SKI: variants seen among roughly 807,000 people sequenced by gnomAD.
SKI encodes SKI proto-oncogene, also known as ski oncogene.
Under a neutral mutation model 59.3 loss-of-function variants are expected in SKI, and 23 were observed. The ratio of observed to expected loss-of-function variants is 0.39; its 90% CI spans 0.28 to 0.55. SKI has a LOEUF of 0.55. Ranked by LOEUF, SKI falls within the 20% of genes least tolerant of loss-of-function variation. SKI has a pLI of 0.67. For synonymous variants in SKI, 673 were observed against 488.6 expected (o/e 1.38, Z -4.98); for missense variants, 1,017 against 1,038.9 (o/e 0.98, Z 0.29).
intron 1 of SKI, among the ~76,000 whole-genome samples, chr1:2,284,446 T>C (rs895909885): frequency 2.0e-5 from 3 of 152,178 alleles, no homozygotes; most frequent in Non-Finnish European, 2.9e-5. Flanking sequence ...TAAAACCTAA[T>C]TGGGCAACGG....
At chr1:2,299,287 C>T (rs1353309056) in intron 1 of SKI, among the ~76,000 whole-genome samples, 2 of 152,132 alleles carry the variant, frequency 1.3e-5, no homozygotes, top group Non-Finnish European at 2.9e-5. Context: ...GGGGCAGCAG[C>T]TTGTGCCCAT....
In SKI at chr1:2,271,111, G is replaced by A. The variant is rs1413042052; in HGVS notation, c.970-31867G>A. ...ACCCCAGAACTTGGGGTTTCCTGATGGGTGTTGGGGTGCACACAAGCCTGG... is the reference window on the plus strand; with the variant it reads ...ACCCCAGAACTTGGGGTTTCCTGATAGGTGTTGGGGTGCACACAAGCCTGG... On this transcript the variant is annotated intron_variant, in intron 1 of 6. Transcript: ENST00000378536. 5.9e-5 allele frequency among the ~76,000 whole-genome samples: 9 copies of A among 152,168 alleles called. No homozygotes were observed. In the South Asian group the frequency reaches 6.2e-4, roughly 10 times the overall value.
rs1000927563 is a variant in SKI at position 2,229,772 on chromosome 1, G to C, written c.969+37G>C. 1 of 1,550,076 alleles carries C rather than the reference G, an allele frequency of 6.5e-7. No homozygotes were observed. Among genetic ancestry groups the C allele is most frequent in the Non-Finnish European group, 8.7e-7 (1 of 1,147,042 alleles). ...CAGGCCTGGGAGCTGGGGAGGATGC[G>C]CTTGGGGTGGGGGCCCCTTCTGGAC... On this transcript the variant is annotated intron_variant, in intron 1 of 6. Coordinates refer to ENST00000378536, the MANE Select transcript of SKI (RefSeq NM_003036.4). The surrounding 1 kb of genome is among the most constrained non-coding windows in gnomAD (Gnocchi z 6.3).
chr1:2,231,141 G>A (rs1005731355), intron 1 of SKI, among the ~76,000 whole-genome samples: 3 of 152,160 alleles, frequency 2.0e-5, no homozygotes, highest in African/African-American at 7.2e-5. Flanking sequence ...GGGTGGGCCC[G>A]ATGGCGCTCC....
At chr1:2,247,059 A>G (rs894739600) in intron 1 of SKI, among the ~76,000 whole-genome samples, 1 of 152,166 alleles carries the variant, frequency 6.6e-6, no homozygotes, top group Non-Finnish European at 1.5e-5. Flanking sequence ...CGTCTCTACT[A>G]AAAATACAAA....
chr1:2,237,488 G>A (rs949605671), intron 1 of SKI, among the ~76,000 whole-genome samples: 2 of 152,204 alleles, frequency 1.3e-5, no homozygotes, highest in Non-Finnish European at 2.9e-5. Context: ...GAACCTGTAA[G>A]TGATGAGAAT....
chr1:2,240,831 G>A (rs1569694512), intron 1 of SKI: 5 of 982,884 alleles, frequency 5.1e-6, no homozygotes, highest in East Asian at 2.3e-4. Flanking sequence ...AGGAAAATCC[G>A]TGCTGCCCAG....
chr1:2,273,593 G>A (rs879914108), intron 1 of SKI, among the ~76,000 whole-genome samples: 20 of 152,176 alleles, frequency 1.3e-4, no homozygotes, highest in Non-Finnish European at 2.9e-4. Context: ...TGTGAGCCAG[G>A]GCAGAGGTGC....
intron 1 of SKI, among the ~76,000 whole-genome samples, chr1:2,273,335 G>A (rs756449706): frequency 1.3e-5 from 2 of 152,132 alleles, no homozygotes; most frequent in Admixed American, 6.5e-5. Flanking sequence ...GGAGACCCTC[G>A]GAAGTGTATG....
At position 2,284,690 on chromosome 1, in the gene SKI, C is replaced by T. The variant is rs574553932; in HGVS notation, c.970-18288C>T. On this transcript the variant is annotated intron_variant, in intron 1 of 6. Coordinates refer to ENST00000378536, the MANE Select transcript of SKI (RefSeq NM_003036.4). ...CGGCTCCCTCCCGCCCCACACCGGC[C>T]TATGAGCCCTCCCTGGCCCCTGGGT... 1.1e-4 allele frequency among the ~76,000 whole-genome samples: 16 copies of T among 152,316 alleles called. No homozygotes were observed. In the South Asian group the frequency reaches 2.9e-3, roughly 28 times the overall value.
At chr1:2,241,241 C>A (rs923005323) in intron 1 of SKI, among the ~76,000 whole-genome samples, 1 of 152,204 alleles carries the variant, frequency 6.6e-6, no homozygotes, top group Non-Finnish European at 1.5e-5. Flanking sequence ...TGTCTGTGGA[C>A]TTCAAAGTGC....
intron 1 of SKI, among the ~76,000 whole-genome samples, chr1:2,280,086 G>A (rs1024497904): frequency 1.3e-5 from 2 of 152,100 alleles, no homozygotes; most frequent in Non-Finnish European, 2.9e-5. Context: ...GTCTGACCAC[G>A]GGCTGGGTGT....
chr1:2,299,359 CTGA>C (rs915675960), intron 1 of SKI, among the ~76,000 whole-genome samples: 3 of 152,126 alleles, frequency 2.0e-5, no homozygotes, highest in African/African-American at 7.2e-5. Flanking sequence ...AGTGGCCCAG[CTGA>C]CGACCCGGGC....
intron 1 of SKI, among the ~76,000 whole-genome samples, chr1:2,301,822 G>A (rs1011672228): frequency 2.0e-5 from 3 of 152,256 alleles, no homozygotes; most frequent in Non-Finnish European, 2.9e-5. Context: ...GGCAGAGTGA[G>A]TGGGACCTCA....
rs1237793144 is a variant in SKI at position 2,270,988 on chromosome 1, T to A, written c.970-31990T>A. Among the ~76,000 whole-genome samples, 1 of 152,210 alleles carries A rather than the reference T, an allele frequency of 6.6e-6. No individual in the cohort carries two copies. The highest frequency in any genetic ancestry group is 1.5e-5 in the Non-Finnish European group (1 of 68,010). ...GGCCGCAAGTGCCTGGCCTCAGGCC[T>A]GGGCTGTGGGGATGACTGAGGCCCA... On this transcript the variant is annotated intron_variant, in intron 1 of 6. Transcript: ENST00000378536. The surrounding 1 kb of genome is among the most constrained non-coding windows in gnomAD (Gnocchi z 4.1).
intron 5 of SKI, among the ~76,000 whole-genome samples, chr1:2,304,963 A>G (rs1168214358): frequency 6.6e-6 from 1 of 152,202 alleles, no homozygotes; most frequent in East Asian, 1.9e-4. Flanking sequence ...AGCTGCATGG[A>G]GACAGTTCCT....
chr1:2,267,049 A>G lies in SKI; in HGVS notation c.970-35929A>G, dbSNP rs927149301. 2.2e-4 allele frequency among the ~76,000 whole-genome samples: 34 copies of G among 152,206 alleles called. No individual in the cohort carries two copies. The highest frequency in any genetic ancestry group is 4.8e-4 in the African/African-American group (20 of 41,444). ...TGAGCGGATGTGTTTTCCTTCTGCA[A>G]TAATTTTGGCTACATTAAATTCGTT... On this transcript the variant is annotated intron_variant, in intron 1 of 6. Transcript: ENST00000378536. This position sits in a 1 kb window ranked among gnomAD's most constrained non-coding sequence, Gnocchi z 4.1.
intron 1 of SKI, among the ~76,000 whole-genome samples, chr1:2,273,988 G>A (rs1356980735): frequency 2.0e-5 from 3 of 152,110 alleles, no homozygotes; most frequent in African/African-American, 7.2e-5. Context: ...ACAGTGTCCT[G>A]GTCGCCCCAG....
chr1:2,289,625 G>T (rs1640119414), intron 1 of SKI, among the ~76,000 whole-genome samples: 1 of 150,276 alleles, frequency 6.7e-6, no homozygotes, highest in Non-Finnish European at 1.5e-5. Flanking sequence ...GATCGTGGGG[G>T]TGGGGGTGCA....
Sources: allele counts gnomAD v4.1 joint callset (sites outside exome capture counted in the v4.1 genomes callset), GRCh38; gene constraint gnomAD v4.1.1; non-coding constraint Gnocchi (gnomAD v3.1); transcripts MANE v1.5; gene names NCBI Gene and HGNC (gene_info 2026-07-23, HGNC 2026-07-21).